Variants in TBC1D9 observed in about 807,000 individuals in gnomAD.
The protein encoded by TBC1D9 is TBC1 domain family member 9, also known as TBC1 domain family member 9A.
A neutral mutation model predicts 132.0 loss-of-function variants in TBC1D9; 63 were observed. The observed-to-expected ratio is 0.48, with a 90% CI of 0.39 to 0.59. The LOEUF (loss-of-function observed/expected upper bound fraction) is 0.59, where lower values mean the gene tolerates loss of function less well. Among genes scored for constraint, TBC1D9 ranks in the 20% least tolerant of loss-of-function variants. The pLI, the probability that TBC1D9 is intolerant of heterozygous loss-of-function variation, is 0.00. For synonymous variants in TBC1D9, 610 were observed against 609.9 expected (o/e 1.00, Z 0.00); for missense variants, 1,261 against 1,592.7 (o/e 0.79, Z 3.54).
At chr4:140,655,092 A>G (rs1737244926) in intron 13 of TBC1D9, among the ~76,000 whole-genome samples, 1 of 152,166 alleles carries the variant, frequency 6.6e-6, no homozygotes, top group South Asian at 2.1e-4. Flanking sequence ...TGACAGAGCA[A>G]GTATTTAGAA....
intron 1 of TBC1D9, chr4:140,712,297 C>T (rs1456234905): frequency 6.6e-6 from 1 of 150,638 alleles, no homozygotes; most frequent in South Asian, 2.2e-4. Context: ...CGTATTCATA[C>T]ACACTGAATC....
chr4:140,746,979 C>A (rs917554364), intron 1 of TBC1D9, among the ~76,000 whole-genome samples: 2 of 151,124 alleles, frequency 1.3e-5, no homozygotes, highest in Non-Finnish European at 3.0e-5. Context: ...CCAGCCTGGG[C>A]AATATAGTGA....
intron 1 of TBC1D9, among the ~76,000 whole-genome samples, chr4:140,717,430 G>A (rs1738352353): frequency 6.6e-6 from 1 of 152,190 alleles, no homozygotes; most frequent in Non-Finnish European, 1.5e-5. Context: ...ATTCAATAAT[G>A]GCAATGATTC....
intron 13 of TBC1D9, among the ~76,000 whole-genome samples, chr4:140,656,009 T>C (rs1004002966): frequency 6.6e-6 from 1 of 152,078 alleles, no homozygotes; most frequent in Non-Finnish European, 1.5e-5. Context: ...GGTAAAGCAC[T>C]GGAGAGCCAC....
chr4:140,745,650 A>G (rs1007624382), intron 1 of TBC1D9, among the ~76,000 whole-genome samples: 1 of 152,214 alleles, frequency 6.6e-6, no homozygotes, highest in Non-Finnish European at 1.5e-5. Context: ...ATAACAAAAA[A>G]TATGTGTAAT....
At chr4:140,676,307 C>T (rs1162371172) in intron 6 of TBC1D9, among the ~76,000 whole-genome samples, 9 of 152,212 alleles carry the variant, frequency 5.9e-5, no homozygotes, top group Non-Finnish European at 1.5e-5. Context: ...CAAGCTATTT[C>T]AATAGCACTC....
rs570135877 is a variant in TBC1D9, at chr4:140,642,895, C to T, written c.2338-3467G>A. 2.8e-4 allele frequency: 166 copies of T among 587,512 alleles called. 1 individual carries two copies. Among genetic ancestry groups the T allele is most frequent in the Middle Eastern group, 8.3e-4 (2 of 2,408 alleles). 36.4% of individuals were successfully genotyped at this position (587,512 alleles called of 1,614,324 possible). A position where few individuals can be genotyped will look rare whatever the true frequency, so the allele number is the denominator to read the frequency against. On this transcript the variant is annotated intron_variant, in intron 13 of 20. Coordinates refer to ENST00000442267, the MANE Select transcript of TBC1D9 (RefSeq NM_015130.3). ...CGTGCCAAGCTTCCATGGGACTCCT[C>T]GTGCCTGTCCTCGGAGTCCCGGCGC...
Position 140,679,059 on chromosome 4 carries a change from A to G in TBC1D9, c.734T>C (p.Met245Thr), listed in dbSNP as rs762373650. 4 of 1,613,956 alleles carry G rather than the reference A, an allele frequency of 2.5e-6. No individual in the cohort carries two copies. The South Asian group carries it at 3.3e-5, about 13-fold the overall frequency. Residue 245 changes from methionine (M) to threonine (T), a missense_variant, in exon 5 of 21, where the codon ATG (methionine) becomes ACG (threonine). Met to Thr is a moderately conservative substitution (Grantham distance 81). Coordinates refer to ENST00000442267, the MANE Select transcript of TBC1D9 (RefSeq NM_015130.3). ...CATGGCTATGTTGGCAAGCTGCTCC[A>G]TTAACTTGAAGGTCTCGTTGATGTT... ...FLNINETFKLMEQLANIAMRQ... is the reference protein window; with the variant it reads ...FLNINETFKLTEQLANIAMRQ...
intron 3 of TBC1D9, among the ~76,000 whole-genome samples, chr4:140,682,856 TACC>T (rs1446622695): frequency 6.6e-6 from 1 of 152,222 alleles, no homozygotes; most frequent in Non-Finnish European, 1.5e-5. Flanking sequence ...ATCTATTAAA[TACC>T]ACATTTCTAG....
Position 140,622,149 on chromosome 4 carries a change from A to C in TBC1D9, c.*46T>G, listed in dbSNP as rs771179338. The C allele has an allele frequency of 2.8e-5, 42 of 1,509,154 alleles. No individual in the cohort carries two copies. The South Asian group carries it at 5.6e-4, about 20-fold the overall frequency. The allele number at this position is 1,509,154 out of a possible 1,614,324, so 93.5% of individuals were successfully genotyped here. ...AACTCAACACAGAAGAACATAAAAA[A>C]TCCCTCCCCTCCCTCTCCTCCCACT... On this transcript the variant is annotated 3_prime_UTR_variant, in exon 21 of 21. Coordinates refer to ENST00000442267, the MANE Select transcript of TBC1D9 (RefSeq NM_015130.3).
At chr4:140,670,181 G>A (rs1161741289) in intron 7 of TBC1D9, among the ~76,000 whole-genome samples, 3 of 152,136 alleles carry the variant, frequency 2.0e-5, no homozygotes, top group Non-Finnish European at 4.4e-5. Context: ...GTCCACATAA[G>A]CTTGGAGCAG....
At chr4:140,644,240 C>G (rs1222345073) in intron 13 of TBC1D9, 2 of 317,978 alleles carry the variant, frequency 6.3e-6, no homozygotes, top group African/African-American at 2.2e-5. Context: ...CTTCCTTATC[C>G]AACTCCAAGT....
At chr4:140,632,577 T>G (rs531429745) in intron 16 of TBC1D9, among the ~76,000 whole-genome samples, 3 of 152,194 alleles carry the variant, frequency 2.0e-5, no homozygotes, top group Non-Finnish European at 2.9e-5. Context: ...TTCAGTTCAA[T>G]AACAGATATT....
At chr4:140,743,793 A>G (rs1476868242) in intron 1 of TBC1D9, among the ~76,000 whole-genome samples, 1 of 152,168 alleles carries the variant, frequency 6.6e-6, no homozygotes, top group East Asian at 1.9e-4. Context: ...CACAATTCAC[A>G]ATCTGACTCT....
Position 140,622,662 on chromosome 4 carries a change from G to C in TBC1D9, c.3334C>G (p.Pro1112Ala), listed in dbSNP as rs759720046. The change falls in exon 21 of 21, where the codon CCC becomes GCC. Residue 1112 changes from proline to alanine, a missense_variant. Coordinates refer to ENST00000442267, the MANE Select transcript of TBC1D9 (RefSeq NM_015130.3). ...TCGGGGGCCAGGCTGGCCGGCAGGG[G>C]CTCAACAGACTCCACCACGTAAGGC... ...GQPYVVESVE[P>A]LPASLAPDSE... is the part of the protein sequence containing the mutation. 7 of 1,610,378 alleles carry C rather than the reference G, an allele frequency of 4.3e-6. No individual in the cohort carries two copies. Among genetic ancestry groups the C allele is most frequent in the Non-Finnish European group, 5.9e-6 (7 of 1,178,166 alleles).
At chr4:140,686,563 T>C in intron 2 of TBC1D9, 101 bp from the exon 3 acceptor site, 1 of 715,992 alleles carries the variant, frequency 1.4e-6, no homozygotes, top group Non-Finnish European at 2.4e-6. Flanking sequence ...CAAAGGAGAC[T>C]ATCGGACCAA....
intron 13 of TBC1D9, chr4:140,643,715 G>T: frequency 8.3e-7 from 1 of 1,211,346 alleles, no homozygotes; most frequent in Non-Finnish European, 1.1e-6. Context: ...CGGCCGTGCA[G>T]GGTTCTGTCC....
At chr4:140,640,863 C>A in intron 13 of TBC1D9, among the ~76,000 whole-genome samples, 1 of 138,960 alleles carries the variant, frequency 7.2e-6, no homozygotes, top group East Asian at 2.2e-4. Flanking sequence ...AAGTATATAA[C>A]CCCCCCAAGA....
rs1737019720 is a variant in TBC1D9, at chr4:140,642,513, G to C, written c.2338-3085C>G. The C allele has an allele frequency of 3.4e-6, 4 of 1,162,986 alleles. No homozygotes were observed. In the South Asian group the frequency reaches 5.1e-5, roughly 15 times the overall value. 72.0% of individuals were successfully genotyped at this position (1,162,986 alleles called of 1,614,324 possible). A position where few individuals can be genotyped will look rare whatever the true frequency, so the allele number is the denominator to read the frequency against. ...CCCCAGCACTGTCTGAAAACTTGAAGGGTGACTTCAACTTGTCCTGCTTGG... is the reference window on the plus strand; with the variant it reads ...CCCCAGCACTGTCTGAAAACTTGAACGGTGACTTCAACTTGTCCTGCTTGG... On this transcript the variant is annotated intron_variant, in intron 13 of 20. Coordinates refer to ENST00000442267, the MANE Select transcript of TBC1D9 (RefSeq NM_015130.3).
Sources: allele counts gnomAD v4.1 joint callset (sites outside exome capture counted in the v4.1 genomes callset), GRCh38; gene constraint gnomAD v4.1.1; transcripts MANE v1.5; gene names NCBI Gene and HGNC (gene_info 2026-07-23, HGNC 2026-07-21).